The following IKZF5 variants were observed in gnomAD, a reference collection of about 807,000 sequenced individuals.
IKZF5 encodes zinc finger protein Pegasus.
IKZF5 carries 4 observed loss-of-function variants against 30.7 expected under a neutral mutation model. The ratio of observed to expected loss-of-function variants is 0.13; its 90% CI spans 0.06 to 0.30. The LOEUF (loss-of-function observed/expected upper bound fraction) is 0.30, where lower values mean the gene tolerates loss of function less well. Ranked by LOEUF, IKZF5 falls within the 10% of genes least tolerant of loss-of-function variation. The pLI, the probability that IKZF5 is intolerant of heterozygous loss-of-function variation, is 1.00. For synonymous variants in IKZF5, 148 were observed against 179.6 expected (o/e 0.82, Z 1.41); for missense variants, 348 against 525.5 (o/e 0.66, Z 3.30).
chr10:123,001,124 G>C (rs1589720222), intron 2 of IKZF5, among the ~76,000 whole-genome samples: 1 of 151,808 alleles, frequency 6.6e-6, no homozygotes, highest in East Asian at 1.9e-4. Flanking sequence ...ACCTGCCTCA[G>C]CCTCCCGAGT....
chr10:122,991,581 T>A lies in IKZF5; in HGVS notation c.*2199A>T, dbSNP rs1849163669. On this transcript the variant is annotated 3_prime_UTR_variant, in exon 5 of 5. Coordinates refer to ENST00000368886, the MANE Select transcript of IKZF5 (RefSeq NM_001372123.1). The stretch of plus-strand genomic sequence containing the variant: ...CAAATACAGAATAACTCACAGGAAA[T>A]TTAAATAAAATCTAAATATTTTAAA... 1 of 152,128 alleles carries A rather than the reference T, an allele frequency of 6.6e-6. No homozygotes were observed. Among genetic ancestry groups the A allele is most frequent in the Non-Finnish European group, 1.5e-5 (1 of 68,004 alleles). The allele number at this position is 152,128 out of a possible 1,614,324, so 9.4% of individuals were successfully genotyped here. A position where few individuals can be genotyped will look rare whatever the true frequency, so the allele number is the denominator to read the frequency against.
rs1195168684 is a variant in IKZF5, at chr10:122,991,435, G to A, written c.*2345C>T. ...TAGTTTCAGAACATTGCCTGTTAACGGCAAAGTACTATAAATAGTGCATGT... is the reference window on the plus strand; with the variant it reads ...TAGTTTCAGAACATTGCCTGTTAACAGCAAAGTACTATAAATAGTGCATGT... On this transcript the variant is annotated 3_prime_UTR_variant, in exon 5 of 5. Transcript: ENST00000368886. 2.0e-5 allele frequency: 3 copies of A among 151,966 alleles called. No homozygotes were observed. The highest frequency in any genetic ancestry group is 1.9e-4 in the East Asian group (1 of 5,204). The allele number at this position is 151,966 out of a possible 1,614,324, so 9.4% of individuals were successfully genotyped here. A position where few individuals can be genotyped will look rare whatever the true frequency, so the allele number is the denominator to read the frequency against.
At chr10:122,998,752 T>A (rs912920018) in intron 2 of IKZF5, 81 bp from the exon 3 acceptor site, 1 of 691,228 alleles carries the variant, frequency 1.4e-6, no homozygotes, top group Non-Finnish European at 2.3e-6. Flanking sequence ...AGACACTATA[T>A]AAAGCAAGAG....
intron 2 of IKZF5, among the ~76,000 whole-genome samples, chr10:123,003,556 G>A (rs749883941): frequency 8.5e-5 from 13 of 152,112 alleles, no homozygotes; most frequent in Non-Finnish European, 1.9e-4. Flanking sequence ...GCTATCTTAA[G>A]TTTTATAGGT....
Position 122,991,238 on chromosome 10 carries a change from C to T in IKZF5, c.*2542G>A, listed in dbSNP as rs1401726608. The stretch of plus-strand genomic sequence containing the variant: ...AGTGGAATTTTTTCAAAGTAAATGT[C>T]TAGCCTTAACTTGAAGTTCAAGAAG... On this transcript the variant is annotated 3_prime_UTR_variant, in exon 5 of 5. Transcript: ENST00000368886. 6.6e-6 allele frequency: 1 copy of T among 152,120 alleles called. No homozygotes were observed. Among genetic ancestry groups the T allele is most frequent in the Non-Finnish European group, 1.5e-5 (1 of 68,000 alleles). 9.4% of individuals were successfully genotyped at this position (152,120 alleles called of 1,614,324 possible).
At chr10:123,007,746 T>G (rs550882586) in intron 1 of IKZF5, among the ~76,000 whole-genome samples, 2 of 152,146 alleles carry the variant, frequency 1.3e-5, no homozygotes. Context: ...TGTAACGAAC[T>G]CTCATCAATA....
chr10:122,991,362 T>C lies in IKZF5; in HGVS notation c.*2418A>G, dbSNP rs1213047687. On this transcript the variant is annotated 3_prime_UTR_variant, in exon 5 of 5. Coordinates refer to ENST00000368886, the MANE Select transcript of IKZF5 (RefSeq NM_001372123.1). ...AAAATATTAGTGGAGATAAATTATCTACCAACTTTAAAAATCTAAACTTAT... is the reference window on the plus strand; with the variant it reads ...AAAATATTAGTGGAGATAAATTATCCACCAACTTTAAAAATCTAAACTTAT... The C allele has an allele frequency of 2.0e-5, 3 of 152,222 alleles. No individual in the cohort carries two copies. Among genetic ancestry groups the C allele is most frequent in the Non-Finnish European group, 4.4e-5 (3 of 68,018 alleles). 9.4% of individuals were successfully genotyped at this position (152,222 alleles called of 1,614,324 possible). A position where few individuals can be genotyped will look rare whatever the true frequency, so the allele number is the denominator to read the frequency against.
At chr10:123,005,605 A>G (rs191815728) in intron 2 of IKZF5, among the ~76,000 whole-genome samples, 27 of 152,276 alleles carry the variant, frequency 1.8e-4, no homozygotes, top group Non-Finnish European at 2.9e-5. Context: ...CCAAAAGCTG[A>G]TATGTTGAAA....
intron 2 of IKZF5, among the ~76,000 whole-genome samples, chr10:123,006,561 G>A (rs1397380989): frequency 6.6e-6 from 1 of 152,130 alleles, no homozygotes; most frequent in African/African-American, 2.4e-5. Flanking sequence ...TAAACTGTGG[G>A]AGAATTTTGA....
chr10:122,998,423 G>T (rs905721379), intron 3 of IKZF5, 70 bp downstream of exon 3: 3 of 1,328,976 alleles, frequency 2.3e-6, no homozygotes. Context: ...GGTCTTCACA[G>T]TAACAGCTAC....
At chr10:123,001,820 A>G (rs1849597062) in intron 2 of IKZF5, among the ~76,000 whole-genome samples, 1 of 152,246 alleles carries the variant, frequency 6.6e-6, no homozygotes, top group Admixed American at 6.5e-5. Context: ...AAGTTTTTAA[A>G]TAGTAGAACT....
rs750562881 is a variant in IKZF5 at position 122,994,226 on chromosome 10, G to C, written c.814C>G (p.Pro272Ala). Residue 272 changes from proline to alanine, a missense_variant, in exon 5 of 5, where the codon CCT (proline) becomes GCT (alanine). Physicochemically the swap from Pro to Ala is conservative, Grantham distance 27. Coordinates refer to ENST00000368886, the MANE Select transcript of IKZF5 (RefSeq NM_001372123.1). The surrounding 1 kb of genome is among the most constrained non-coding windows in gnomAD (Gnocchi z 5.6). ...CAGGGAACTACATCAGGGGATGCAG[G>C]GTTTTGGTTTTCGGGTGGCAGACTG... ...LSSLPPENQN[P>A]ASPDVVPCPD... 2 of 1,613,952 alleles carry C rather than the reference G, an allele frequency of 1.2e-6. No homozygotes were observed. Among genetic ancestry groups the C allele is most frequent in the African/African-American group, 2.7e-5 (2 of 74,876 alleles).
intron 2 of IKZF5, among the ~76,000 whole-genome samples, chr10:123,005,665 T>C (rs1253189379): frequency 6.6e-6 from 1 of 152,126 alleles, no homozygotes; most frequent in Non-Finnish European, 1.5e-5. Flanking sequence ...TGAGAAATAA[T>C]TGGGTTGTAA....
chr10:122,995,696 C>T lies in IKZF5; in HGVS notation c.316+298G>A, dbSNP rs1339847691. ...AAGATTAAAACATTTTATCACATCG[C>T]AGTGCTTTAGCATTATTCCTTCCCA... On this transcript the variant is annotated intron_variant, in intron 4 of 4. Transcript: ENST00000368886. 2.6e-5 allele frequency among the ~76,000 whole-genome samples: 4 copies of T among 152,130 alleles called. No individual in the cohort carries two copies. The East Asian group carries it at 7.7e-4, about 29-fold the overall frequency.
Position 122,995,996 on chromosome 10 carries a change from G to T in IKZF5, c.314C>A (p.Thr105Lys). The T allele has an allele frequency of 6.2e-7, 1 of 1,613,172 alleles. No homozygotes were observed. ...ARLIEHIRIH[T>K]GEKPHRCHLC... Reference sequence around the variant, plus strand: ...TTTTCCAGCTGTCTTTCCATTACCTGTGTGGATTCTGATGTGTTCAATAAG... The same window carrying T: ...TTTTCCAGCTGTCTTTCCATTACCTTTGTGGATTCTGATGTGTTCAATAAG... The change falls in exon 4 of 5, where the codon ACA becomes AAA. Residue 105 changes from threonine (T) to lysine (K), a missense_variant and splice_region_variant. Physicochemically the swap from Thr to Lys is moderately conservative, Grantham distance 78. Coordinates refer to ENST00000368886, the MANE Select transcript of IKZF5 (RefSeq NM_001372123.1).
intron 1 of IKZF5, among the ~76,000 whole-genome samples, chr10:123,007,733 C>T (rs1427693171): frequency 3.3e-5 from 5 of 152,206 alleles, no homozygotes; most frequent in Non-Finnish European, 1.5e-5. Flanking sequence ...CATTTCAATT[C>T]ACTGTAACGA....
At chr10:123,006,516 C>G (rs552571686) in intron 2 of IKZF5, among the ~76,000 whole-genome samples, 1 of 152,182 alleles carries the variant, frequency 6.6e-6, no homozygotes, top group South Asian at 2.1e-4. Context: ...AAGAAGCTCT[C>G]TAACCTATCT....
chr10:123,000,361 T>C (rs1202680485), intron 2 of IKZF5, among the ~76,000 whole-genome samples: 1 of 152,210 alleles, frequency 6.6e-6, no homozygotes, highest in East Asian at 1.9e-4. Flanking sequence ...TCACTCAACA[T>C]TGTAATTGTA....
In IKZF5 at chr10:122,994,234, T is replaced by C. The variant is rs536754012; in HGVS notation, c.806A>G (p.Asn269Ser). 3.1e-6 allele frequency: 5 copies of C among 1,613,820 alleles called. No individual in the cohort carries two copies. The highest frequency in any genetic ancestry group is 4.2e-6 in the Non-Finnish European group (5 of 1,179,946). Residue 269 changes from asparagine to serine, a missense_variant, in exon 5 of 5, where the codon AAC (asparagine) becomes AGC (serine). This residue lies in a region of IKZF5 where 176 missense variants were observed against 198.2 expected (regional missense o/e 0.89). Transcript: ENST00000368886. The surrounding 1 kb of genome is among the most constrained non-coding windows in gnomAD (Gnocchi z 5.6). ...AGQLSSLPPE[N>S]QNPASPDVVP... ...TACATCAGGGGATGCAGGGTTTTGG[T>C]TTTCGGGTGGCAGACTGGACAACTG...
Sources: allele counts gnomAD v4.1 joint callset (sites outside exome capture counted in the v4.1 genomes callset), GRCh38; gene constraint gnomAD v4.1.1; regional missense constraint gnomAD v4.1.1; non-coding constraint Gnocchi (gnomAD v3.1); transcripts MANE v1.5; gene names NCBI Gene and HGNC (gene_info 2026-07-23, HGNC 2026-07-21).